SHISAL2A: variants seen among roughly 807,000 people sequenced by gnomAD.
SHISAL2A encodes the protein protein shisa-like-2A.
Under a neutral mutation model 11.5 loss-of-function variants are expected in SHISAL2A, and 18 were observed. That is an observed-to-expected ratio of 1.57 (90% CI 1.08 to 2.33). The LOEUF (loss-of-function observed/expected upper bound fraction) is 2.33. SHISAL2A is among the 30% of genes most tolerant of loss of function. SHISAL2A has a pLI of 0.00. For synonymous variants in SHISAL2A, 94 were observed against 99.6 expected (o/e 0.94, Z 0.34); for missense variants, 261 against 250.9 (o/e 1.04, Z -0.27).
chr1:52,666,980 C>T (rs1409827402), intron 4 of SHISAL2A, among the ~76,000 whole-genome samples: 2 of 152,220 alleles, frequency 1.3e-5, no homozygotes, highest in Non-Finnish European at 2.9e-5. Flanking sequence ...CTGCTAACTG[C>T]CACCAGACTC....
intron 2 of SHISAL2A, among the ~76,000 whole-genome samples, chr1:52,645,089 A>C (rs6588434): frequency 0.35 from 52,842 of 151,802 alleles, 9,346 homozygotes; most frequent in Middle Eastern, 0.43. Flanking sequence ...AGAAGGGGCA[A>C]GGTGGGTAGT....
chr1:52,651,736 G>A (rs1044390379), intron 2 of SHISAL2A, among the ~76,000 whole-genome samples: 3 of 152,150 alleles, frequency 2.0e-5, no homozygotes, highest in African/African-American at 7.2e-5. Flanking sequence ...ATCAGTTCCA[G>A]GGGGTAATTA....
chr1:52,660,208 A>G (rs145682935), downstream of SHISAL2A, among the ~76,000 whole-genome samples: 2,831 of 152,254 alleles, frequency 0.019, 325 homozygotes, highest in Admixed American at 0.17. Context: ...GAGACCGCAC[A>G]CTGAGCAAGG....
At chr1:52,638,317 A>G (rs562624988) in intron 1 of SHISAL2A, among the ~76,000 whole-genome samples, 2 of 95,118 alleles carry the variant, frequency 2.1e-5, no homozygotes, top group African/African-American at 9.4e-5. Context: ...CTTTCTATCC[A>G]GGAACCCAGA....
At chr1:52,655,667 A>G (rs1331259450) in intron 2 of SHISAL2A, among the ~76,000 whole-genome samples, 7 of 152,166 alleles carry the variant, frequency 4.6e-5, no homozygotes, top group Non-Finnish European at 1.0e-4. Flanking sequence ...ATAGGTGGCA[A>G]ATAGGCACAT....
At chr1:52,659,769 C>T (rs1299345164), downstream of SHISAL2A, among the ~76,000 whole-genome samples, 1 of 152,148 alleles carries the variant, frequency 6.6e-6, no homozygotes, top group Admixed American at 6.5e-5. Flanking sequence ...CTTCACAGGA[C>T]GAATTCCTTC....
At chr1:52,665,522 C>G (rs1691994554) in intron 4 of SHISAL2A, among the ~76,000 whole-genome samples, 1 of 152,170 alleles carries the variant, frequency 6.6e-6, no homozygotes, top group Admixed American at 6.5e-5. Context: ...ATCACCCTTC[C>G]TCCAACCAGC....
intron 2 of SHISAL2A, among the ~76,000 whole-genome samples, chr1:52,643,963 G>A (rs1691434162): frequency 6.6e-6 from 1 of 151,824 alleles, no homozygotes; most frequent in African/African-American, 2.4e-5. Flanking sequence ...AGGGAGGAAG[G>A]AAGTCTCTAT....
chr1:52,637,485 T>G (rs76773450), intron 1 of SHISAL2A, among the ~76,000 whole-genome samples: 38 of 152,328 alleles, frequency 2.5e-4, no homozygotes, highest in Admixed American at 2.0e-3. Context: ...TCTTTAAAAT[T>G]GTGCCTCAGG....
intron 2 of SHISAL2A, among the ~76,000 whole-genome samples, chr1:52,645,903 A>G (rs1280274495): frequency 6.6e-6 from 1 of 152,264 alleles, no homozygotes; most frequent in Non-Finnish European, 1.5e-5. Context: ...AGAGGCATAC[A>G]GGTGCAAGAA....
chr1:52,663,472 A>G (rs1325160747), intron 4 of SHISAL2A, among the ~76,000 whole-genome samples: 1 of 152,158 alleles, frequency 6.6e-6, no homozygotes, highest in Non-Finnish European at 1.5e-5. Context: ...AGAAAATCAG[A>G]ACATGTGGCC....
In SHISAL2A at chr1:52,638,738, C is replaced by A. The variant is rs1003255823; in HGVS notation, c.183-4125C>A. Among the ~76,000 whole-genome samples, 4 of 152,188 alleles carry A rather than the reference C, an allele frequency of 2.6e-5. 1 individual carries two copies. Among genetic ancestry groups the A allele is most frequent in the Admixed American group, 2.0e-4 (3 of 15,278 alleles). ...GTAGAATGTACTCCTCAGGGTTATC[C>A]CACCTGACGGCCAGGAAGCTGGATA... On this transcript the variant is annotated intron_variant, in intron 1 of 2. Transcript: ENST00000517870.
chr1:52,649,168 A>G (rs1691570139), intron 2 of SHISAL2A, among the ~76,000 whole-genome samples: 1 of 152,270 alleles, frequency 6.6e-6, no homozygotes, highest in Middle Eastern at 3.4e-3. Context: ...TTCCTTCTGC[A>G]TCTGAGATGG....
At chr1:52,654,258 T>TAGATAGATAGATAGACAGACAGAC in intron 2 of SHISAL2A, among the ~76,000 whole-genome samples, 1 of 151,142 alleles carries the variant, frequency 6.6e-6, no homozygotes, top group African/African-American at 2.4e-5. Flanking sequence ...GATAGATAGA[T>TAGATAGATAGATAGACAGACAGAC]AGACAGATAG....
At chr1:52,641,850 C>T (rs925802868) in intron 1 of SHISAL2A, among the ~76,000 whole-genome samples, 1 of 151,972 alleles carries the variant, frequency 6.6e-6, no homozygotes, top group African/African-American at 2.4e-5. Context: ...TGCCTGTAAT[C>T]TCAGCACTTT....
intron 5 of SHISAL2A, among the ~76,000 whole-genome samples, chr1:52,667,931 A>G (rs536948095): frequency 1.4e-4 from 22 of 152,294 alleles, no homozygotes; most frequent in African/African-American, 5.3e-4. Context: ...CACCCAGTTT[A>G]GTAAGCATTC....
intron 2 of SHISAL2A, among the ~76,000 whole-genome samples, chr1:52,651,788 C>T (rs992965807): frequency 6.6e-6 from 1 of 152,064 alleles, no homozygotes; most frequent in Non-Finnish European, 1.5e-5. Flanking sequence ...TTGATTAATA[C>T]AGAATGGAAA....
chr1:52,650,513 T>A (rs181425787), intron 2 of SHISAL2A, among the ~76,000 whole-genome samples: 49 of 152,350 alleles, frequency 3.2e-4, no homozygotes, highest in African/African-American at 1.1e-3. Context: ...TGATGCTTAC[T>A]GGTATTTAAT....
chr1:52,634,477 T>G (rs1379091839), intron 1 of SHISAL2A, among the ~76,000 whole-genome samples: 3 of 152,218 alleles, frequency 2.0e-5, no homozygotes, highest in Non-Finnish European at 4.4e-5. Context: ...AATGGCATAG[T>G]GCAGAAGCTA....
Sources: gnomAD v4.1 joint callset for allele counts (sites outside exome capture counted in the v4.1 genomes callset) on GRCh38, gnomAD v4.1.1 for gene constraint, MANE v1.5 for transcripts, NCBI Gene and HGNC (gene_info 2026-07-23, HGNC 2026-07-21) for gene names.